Variants in MGAT4C observed in about 807,000 individuals in gnomAD.
The protein encoded by MGAT4C is alpha-1,3-mannosyl-glycoprotein 4-beta-N-acetylglucosaminyltransferase C.
Under a neutral mutation model 40.1 loss-of-function variants are expected in MGAT4C, and 19 were observed. The observed-to-expected ratio is 0.47, with a 90% confidence interval of 0.33 to 0.70. The LOEUF is 0.70. Ranked by LOEUF, MGAT4C falls within the 30% of genes least tolerant of loss-of-function variation. The pLI, the probability that MGAT4C is intolerant of heterozygous loss-of-function variation, is 0.02. For missense variants in MGAT4C, 491 were observed against 563.2 expected (o/e 0.87, Z 1.30); for synonymous variants, 181 against 187.1 (o/e 0.97, Z 0.27).
At chr12:86,680,311 T>C (rs925110752) in intron 2 of MGAT4C, among the ~76,000 whole-genome samples, 7 of 152,058 alleles carry the variant, frequency 4.6e-5, no homozygotes, top group African/African-American at 1.4e-4. Context: ...ATTTATTTTA[T>C]TTTACATTCA....
At chr12:86,425,252 C>G (rs1956903857) in intron 3 of MGAT4C, among the ~76,000 whole-genome samples, 1 of 152,130 alleles carries the variant, frequency 6.6e-6, no homozygotes. Flanking sequence ...ATTTTCAAAA[C>G]TGTTTAGTAG....
chr12:86,590,562 T>C (rs904569722), intron 2 of MGAT4C, among the ~76,000 whole-genome samples: 1 of 152,054 alleles, frequency 6.6e-6, no homozygotes, highest in African/African-American at 2.4e-5. Flanking sequence ...AGCTGCTGTT[T>C]CTTGTATACA....
At position 86,270,105 on chromosome 12, in the gene MGAT4C, C is replaced by T. The variant is rs540360857; in HGVS notation, c.-57+63960G>A. On this transcript the variant is annotated intron_variant, in intron 4 of 7. Coordinates refer to the MGAT4C transcript ENST00000548651. Reference sequence around the variant, plus strand: ...CTTTTGAGACAGAGTCTCACTCTGTCCTCCAGGCTGGAGTGCAGTGGCATG... The same window carrying T: ...CTTTTGAGACAGAGTCTCACTCTGTTCTCCAGGCTGGAGTGCAGTGGCATG... Among the ~76,000 whole-genome samples, 5 of 152,022 alleles carry T rather than the reference C, an allele frequency of 3.3e-5. No individual in the cohort carries two copies. The South Asian group carries it at 1.0e-3, about 32-fold the overall frequency.
rs796219165 is a variant in MGAT4C at position 86,595,360 on chromosome 12, A to G, written c.-229+131849T>C. Among the ~76,000 whole-genome samples the G allele has an allele frequency of 7.2e-5, 11 of 152,084 alleles. 1 individual carries two copies. Among genetic ancestry groups the G allele is most frequent in the African/African-American group, 2.4e-4 (10 of 41,510 alleles). On this transcript the variant is annotated intron_variant, in intron 2 of 7. Coordinates refer to the MGAT4C transcript ENST00000548651. Reference sequence around the variant, plus strand: ...AGCCTGGCCAACATGCTGAAACACCATCTCTACTAAAAATACAAAAATTAG... The same window carrying G: ...AGCCTGGCCAACATGCTGAAACACCGTCTCTACTAAAAATACAAAAATTAG...
chr12:86,113,150 T>A (rs1189558021), intron 1 of MGAT4C, among the ~76,000 whole-genome samples: 1 of 151,818 alleles, frequency 6.6e-6, no homozygotes, highest in East Asian at 1.9e-4. Flanking sequence ...TTTGCCTACG[T>A]GTTCAGGTCA....
intron 2 of MGAT4C, among the ~76,000 whole-genome samples, chr12:86,548,348 T>C (rs895108573): frequency 6.6e-6 from 1 of 152,248 alleles, no homozygotes; most frequent in Admixed American, 6.5e-5. Context: ...ATGTCCACAA[T>C]AGAATAATCT....
intron 4 of MGAT4C, 151 bp downstream of exon 4, chr12:85,983,372 T>A (rs1160052206): frequency 5.9e-6 from 4 of 683,474 alleles, no homozygotes; most frequent in Non-Finnish European, 8.8e-6. Flanking sequence ...GTATAGTAGT[T>A]GGCAATTTGT....
chr12:86,696,497 C>G (rs1275436587), intron 2 of MGAT4C, among the ~76,000 whole-genome samples: 1 of 152,132 alleles, frequency 6.6e-6, no homozygotes, highest in Non-Finnish European at 1.5e-5. Context: ...AAGCAAAGGC[C>G]TTTGAGAAAT....
intron 3 of MGAT4C, among the ~76,000 whole-genome samples, chr12:86,389,227 G>A (rs115010152): frequency 1.6e-3 from 238 of 152,138 alleles, no homozygotes; most frequent in African/African-American, 5.6e-3. Flanking sequence ...CCCATTGTGT[G>A]TTGTTTTCCT....
Position 86,442,616 on chromosome 12 carries a change from T to G in MGAT4C, c.-228-7351A>C, listed in dbSNP as rs536572776. On this transcript the variant is annotated intron_variant, in intron 2 of 7. Transcript: ENST00000548651. ...TTAAATAGGGAATCCTTTCCCCATT[T>G]CTTGTTTTTCTCAGGTTTGTCAAAG... Among the ~76,000 whole-genome samples the G allele has an allele frequency of 8.4e-3, 1,272 of 152,130 alleles. 12 individuals are homozygous for G. The highest frequency in any genetic ancestry group is 0.015 in the Non-Finnish European group (991 of 67,974).
At chr12:86,630,456 G>T (rs1282282282) in intron 2 of MGAT4C, among the ~76,000 whole-genome samples, 2 of 152,008 alleles carry the variant, frequency 1.3e-5, no homozygotes, top group Non-Finnish European at 2.9e-5. Context: ...CAAAAAAAGA[G>T]AATTTTAGAC....
chr12:86,811,192 ATTTCT>A (rs1239802037), intron 1 of MGAT4C, among the ~76,000 whole-genome samples: 3 of 151,224 alleles, frequency 2.0e-5, no homozygotes, highest in African/African-American at 4.8e-5. Context: ...TAGATTGGTG[ATTTCT>A]TTTCTGGGAG....
At chr12:86,294,599 C>G (rs1363660123) in intron 4 of MGAT4C, among the ~76,000 whole-genome samples, 1 of 152,104 alleles carries the variant, frequency 6.6e-6, no homozygotes, top group Admixed American at 6.5e-5. Context: ...CTCCTTTCTG[C>G]AACTGTACAA....
At chr12:86,323,985 C>T (rs929146478) in intron 4 of MGAT4C, among the ~76,000 whole-genome samples, 16 of 151,704 alleles carry the variant, frequency 1.1e-4, no homozygotes, top group Admixed American at 6.6e-4. Context: ...TAAGCTATTA[C>T]GAATCAAAAG....
chr12:86,819,741 T>C (rs1952674370), intron 1 of MGAT4C, among the ~76,000 whole-genome samples: 1 of 150,816 alleles, frequency 6.6e-6, no homozygotes, highest in African/African-American at 2.4e-5. Context: ...AACTTAGAGT[T>C]AATTAGAATA....
intron 2 of MGAT4C, among the ~76,000 whole-genome samples, chr12:86,558,638 A>G (rs1238940521): frequency 6.6e-6 from 1 of 152,064 alleles, no homozygotes; most frequent in Non-Finnish European, 1.5e-5. Flanking sequence ...TCCTATAGGA[A>G]ATGCATAAGT....
chr12:86,216,167 C>A (rs1470283383), intron 1 of MGAT4C, among the ~76,000 whole-genome samples: 3 of 152,016 alleles, frequency 2.0e-5, no homozygotes, highest in East Asian at 1.9e-4. Flanking sequence ...AATGGGTTAA[C>A]CTTACTAATG....
rs988543118 is a variant in MGAT4C, at chr12:86,307,876, T to G, written c.-57+26189A>C. Among the ~76,000 whole-genome samples the G allele has an allele frequency of 7.1e-4, 106 of 150,048 alleles. 2 individuals carry two copies. Among genetic ancestry groups the G allele is most frequent in the Non-Finnish European group, 1.2e-3 (79 of 67,990 alleles). On this transcript the variant is annotated intron_variant, in intron 4 of 7. Coordinates refer to the MGAT4C transcript ENST00000548651. The stretch of plus-strand genomic sequence containing the variant: ...CGCCACTACGTCCGGCTAAATTTTT[T>G]GTATTTTTAGTAGAGACAGGGTTTC...
At chr12:86,826,034 A>T (rs969732060) in intron 1 of MGAT4C, among the ~76,000 whole-genome samples, 8 of 151,362 alleles carry the variant, frequency 5.3e-5, no homozygotes, top group African/African-American at 1.9e-4. Context: ...TGTCTCCAGG[A>T]ATCCAGCAGA....
Sources: gnomAD v4.1 joint callset for allele counts (sites outside exome capture counted in the v4.1 genomes callset) on GRCh38, gnomAD v4.1.1 for gene constraint, MANE v1.5 for transcripts, NCBI Gene and HGNC (gene_info 2026-07-23, HGNC 2026-07-21) for gene names.